The following MYO3B variants were observed in gnomAD, a reference collection of about 807,000 sequenced individuals.
MYO3B encodes myosin IIIB, also known as myosin-IIIb.
In MYO3B, 156 loss-of-function variants were observed where a neutral mutation model predicts 174.6. The observed-to-expected ratio is 0.89, with a 90% CI of 0.78 to 1.02. The LOEUF is 1.02. Among genes scored for constraint, MYO3B ranks in the 50% least tolerant of loss-of-function variants. MYO3B has a pLI of 0.00. For missense variants in MYO3B, 1,632 were observed against 1,639.4 expected, an observed-to-expected ratio of 1.00 and a Z score of 0.08; for synonymous variants, 563 against 569.1, an observed-to-expected ratio of 0.99 and a Z score of 0.15.
rs1377282591 is a variant in MYO3B at position 170,547,308 on chromosome 2, C to T, written c.3733+3320C>T. 5.4e-5 allele frequency among the ~76,000 whole-genome samples: 8 copies of T among 149,038 alleles called. No homozygotes were observed. In the East Asian group the frequency reaches 9.9e-4, roughly 18 times the overall value. ...TCGCGCCACTGTACTCCAGCCTGGG[C>T]GACAGAGCAAGACTCTGTCTCAAAA... On this transcript the variant is annotated intron_variant, in intron 32 of 34. Coordinates refer to ENST00000408978, the MANE Select transcript of MYO3B (RefSeq NM_138995.5).
At chr2:170,443,283 T>G (rs1409805534) in intron 22 of MYO3B, among the ~76,000 whole-genome samples, 2 of 152,258 alleles carry the variant, frequency 1.3e-5, no homozygotes, top group Non-Finnish European at 2.9e-5. Flanking sequence ...TTTGGCTGCA[T>G]AAATGTCTTC....
chr2:170,465,936 C>T (rs1684598808), intron 24 of MYO3B, among the ~76,000 whole-genome samples: 1 of 152,160 alleles, frequency 6.6e-6, no homozygotes, highest in African/African-American at 2.4e-5. Context: ...CGTGTCCTTG[C>T]TCCCCTCTTG....
At chr2:170,523,590 AAGACAGAAGTTCC>A (rs1688813879) in intron 30 of MYO3B, among the ~76,000 whole-genome samples, 1 of 152,206 alleles carries the variant, frequency 6.6e-6, no homozygotes, top group South Asian at 2.1e-4. Flanking sequence ...AAAAGGTCCA[AAGACAGAAGTTCC>A]AGGGCTCGGT....
chr2:170,248,137 C>T (rs987499242), intron 7 of MYO3B, among the ~76,000 whole-genome samples: 3 of 152,138 alleles, frequency 2.0e-5, no homozygotes, highest in Admixed American at 6.5e-5. Context: ...TCTTGATTGG[C>T]AAGACCCCTC....
intron 30 of MYO3B, among the ~76,000 whole-genome samples, chr2:170,521,644 T>C (rs1319296998): frequency 6.6e-6 from 1 of 152,178 alleles, no homozygotes; most frequent in Non-Finnish European, 1.5e-5. Flanking sequence ...GCCCTACCAC[T>C]ATCAGGTAGC....
chr2:170,310,535 G>T (rs1314318955), intron 7 of MYO3B, among the ~76,000 whole-genome samples: 1 of 151,810 alleles, frequency 6.6e-6, no homozygotes, highest in Admixed American at 6.6e-5. Flanking sequence ...ATGTTGGTGG[G>T]CACCTGTAAT....
At chr2:170,529,944 A>G (rs1272606680) in intron 30 of MYO3B, among the ~76,000 whole-genome samples, 1 of 152,234 alleles carries the variant, frequency 6.6e-6, no homozygotes, top group African/African-American at 2.4e-5. Context: ...AGTTCCAAGT[A>G]TATTTTGTGA....
At chr2:170,557,661 A>G (rs964653099) in intron 32 of MYO3B, among the ~76,000 whole-genome samples, 1 of 152,174 alleles carries the variant, frequency 6.6e-6, no homozygotes, top group Non-Finnish European at 1.5e-5. Context: ...TGTGAAATTT[A>G]TATTCTGAGA....
At chr2:170,223,078 C>T (rs1012639481) in intron 6 of MYO3B, among the ~76,000 whole-genome samples, 1 of 152,126 alleles carries the variant, frequency 6.6e-6, no homozygotes, top group Non-Finnish European at 1.5e-5. Context: ...TGTGTGGGCG[C>T]CCAACACCCC....
chr2:170,315,166 A>G (rs1337872208), intron 7 of MYO3B, among the ~76,000 whole-genome samples: 1 of 152,260 alleles, frequency 6.6e-6, no homozygotes, highest in East Asian at 1.9e-4. Flanking sequence ...CTGAAGCTTT[A>G]GGAATTAGAA....
At chr2:170,634,261 A>G (rs1428369718) in intron 32 of MYO3B, among the ~76,000 whole-genome samples, 1 of 152,206 alleles carries the variant, frequency 6.6e-6, no homozygotes, top group African/African-American at 2.4e-5. Context: ...TACTGGTACC[A>G]AAACAGAGAT....
intron 32 of MYO3B, among the ~76,000 whole-genome samples, chr2:170,547,979 C>T (rs1397609248): frequency 7.3e-5 from 11 of 151,588 alleles, no homozygotes; most frequent in African/African-American, 2.7e-4. Context: ...TGGTGGCAGG[C>T]GCCTGTAGTC....
chr2:170,594,843 A>G (rs866267322), intron 32 of MYO3B, among the ~76,000 whole-genome samples: 78 of 140,070 alleles, frequency 5.6e-4, no homozygotes, highest in Middle Eastern at 3.6e-3. Flanking sequence ...ACACACACAC[A>G]CACACACACA....
chr2:170,437,808 A>G (rs184114616), intron 22 of MYO3B, among the ~76,000 whole-genome samples: 6 of 151,842 alleles, frequency 4.0e-5, no homozygotes, highest in Non-Finnish European at 7.4e-5. Context: ...TGTGTCCTCA[A>G]CCCTCACAAT....
chr2:170,324,589 T>C (rs1041674659), intron 7 of MYO3B, among the ~76,000 whole-genome samples: 13 of 152,238 alleles, frequency 8.5e-5, no homozygotes, highest in Non-Finnish European at 1.6e-4. Flanking sequence ...TTGTCTTTTT[T>C]TAAAGAGCGT....
chr2:170,204,767 G>C (rs1164603504), intron 3 of MYO3B, among the ~76,000 whole-genome samples: 1 of 152,116 alleles, frequency 6.6e-6, no homozygotes, highest in Non-Finnish European at 1.5e-5. Context: ...GGGAATAAAG[G>C]GCTGATATGT....
intron 21 of MYO3B, among the ~76,000 whole-genome samples, chr2:170,406,657 A>G (rs1366113161): frequency 6.8e-6 from 1 of 146,094 alleles, no homozygotes; most frequent in South Asian, 2.3e-4. Flanking sequence ...CTGTCCTTTT[A>G]TAACTATGTC....
chr2:170,607,838 T>C (rs1296709708), intron 32 of MYO3B, among the ~76,000 whole-genome samples: 1 of 152,184 alleles, frequency 6.6e-6, no homozygotes, highest in Non-Finnish European at 1.5e-5. Context: ...TAGGTTTCTT[T>C]TATTTAGTAG....
intron 8 of MYO3B, among the ~76,000 whole-genome samples, chr2:170,358,058 A>G (rs2094135577): frequency 6.6e-6 from 1 of 152,006 alleles, no homozygotes; most frequent in Non-Finnish European, 1.5e-5. Context: ...AGGCTGAGGC[A>G]GGAGAATCAC....
Sources: gnomAD v4.1 joint callset for allele counts (sites outside exome capture counted in the v4.1 genomes callset) on GRCh38, gnomAD v4.1.1 for gene constraint, MANE v1.5 for transcripts, NCBI Gene and HGNC (gene_info 2026-07-23, HGNC 2026-07-21) for gene names.